Variants in OR7A10 observed in about 807,000 individuals in gnomAD.
The protein encoded by OR7A10 is olfactory receptor family 7 subfamily A member 10.
For synonymous variants in OR7A10, 144 were observed against 144.5 expected (o/e 1.00, Z 0.02); for missense variants, 358 against 370.1 (o/e 0.97, Z 0.27).
intron 1 of OR7A10, among the ~76,000 whole-genome samples, chr19:14,847,083 C>T (rs927802395): frequency 1.3e-5 from 2 of 152,180 alleles, no homozygotes; most frequent in African/African-American, 4.8e-5. Context: ...GAAAAAAGTA[C>T]ATATAAGAAC....
At chr19:14,843,058 C>G (rs374262792) in intron 1 of OR7A10, among the ~76,000 whole-genome samples, 9 of 152,110 alleles carry the variant, frequency 5.9e-5, no homozygotes, top group Non-Finnish European at 1.0e-4. Context: ...GACATACATG[C>G]GGCCAACAAG....
chr19:14,843,757 G>A (rs1794922555), intron 1 of OR7A10, among the ~76,000 whole-genome samples: 1 of 152,184 alleles, frequency 6.6e-6, no homozygotes, highest in African/African-American at 2.4e-5. Flanking sequence ...TGTCTAGACA[G>A]TGAGTAAGTG....
In OR7A10 at chr19:14,840,611, C is replaced by A; in HGVS notation, c.*337G>T. 5.2e-6 allele frequency: 1 copy of A among 192,270 alleles called. No individual in the cohort carries two copies. Among genetic ancestry groups the A allele is most frequent in the South Asian group, 1.2e-4 (1 of 8,254 alleles). The allele number at this position is 192,270 out of a possible 1,614,324, so 11.9% of individuals were successfully genotyped here. ...AGTGATGCAAGGACATTACATACACCATGGCACTCAATCCTTCACTCAGAT... is the reference window on the plus strand; with the variant it reads ...AGTGATGCAAGGACATTACATACACAATGGCACTCAATCCTTCACTCAGAT... On this transcript the variant is annotated 3_prime_UTR_variant, in exon 2 of 2. Coordinates refer to ENST00000641129, the MANE Select transcript of OR7A10 (RefSeq NM_001005190.2).
rs561178117 is a variant in OR7A10 at position 14,840,811 on chromosome 19, G to A, written c.*137C>T. On this transcript the variant is annotated 3_prime_UTR_variant, in exon 2 of 2. Transcript: ENST00000641129. Reference sequence around the variant, plus strand: ...AGTGTAAGCTCTATAAAGTAGTTGAGGAACAAAGAAGTTTAAACTCCAGGA... The same window carrying A: ...AGTGTAAGCTCTATAAAGTAGTTGAAGAACAAAGAAGTTTAAACTCCAGGA... The A allele has an allele frequency of 9.6e-6, 6 of 623,870 alleles. No homozygotes were observed. The South Asian group carries it at 1.1e-4, about 11-fold the overall frequency. The allele number at this position is 623,870 out of a possible 1,614,324, so 38.6% of individuals were successfully genotyped here.
In OR7A10 at chr19:14,847,765, C is replaced by T. The variant is rs181112102; in HGVS notation, c.-13+735G>A. Among the ~76,000 whole-genome samples the T allele has an allele frequency of 4.2e-3, 637 of 151,686 alleles. 3 individuals carry two copies. The highest frequency in any genetic ancestry group is 7.1e-3 in the Non-Finnish European group (481 of 67,826). ...TCCCGACCTTGTGATCCGCCTACCT[C>T]GGCCTCCCAAAGTGCTGGGACTACA... is the stretch of plus-strand genomic sequence containing the variant. On this transcript the variant is annotated intron_variant, in intron 1 of 1. Coordinates refer to ENST00000641129, the MANE Select transcript of OR7A10 (RefSeq NM_001005190.2).
At chr19:14,842,105 C>T (rs1029368607) in intron 1 of OR7A10, among the ~76,000 whole-genome samples, 1 of 152,122 alleles carries the variant, frequency 6.6e-6, no homozygotes, top group African/African-American at 2.4e-5. Flanking sequence ...TTCAGGGTTA[C>T]ATATGCAGGT....
In OR7A10 at chr19:14,846,709, C is replaced by CAAAAAAAAA. The variant is rs60087409; in HGVS notation, c.-13+1782_-13+1790dup. Among the ~76,000 whole-genome samples the CAAAAAAAAA allele has an allele frequency of 3.0e-4, 19 of 64,032 alleles. 3 individuals are homozygous for CAAAAAAAAA. Among genetic ancestry groups the CAAAAAAAAA allele is most frequent in the African/African-American group, 7.2e-4 (11 of 15,180 alleles). The allele number at this position is 64,032 out of a possible 152,430, so 42.0% of individuals were successfully genotyped here. On this transcript the variant is annotated intron_variant, in intron 1 of 1. Coordinates refer to ENST00000641129, the MANE Select transcript of OR7A10 (RefSeq NM_001005190.2). Reference sequence around the variant, plus strand: ...TGGGTGACAGAGCGAGACTCCATCTCAAAAAAAAAAAAAAAAGGAAAAGGA... The same window carrying CAAAAAAAAA: ...TGGGTGACAGAGCGAGACTCCATCTCAAAAAAAAAAAAAAAAAAAAAAAAAGGAAAAGGA...
Position 14,841,867 on chromosome 19 carries a change from C to CA in OR7A10, c.10dup (p.Trp4LeufsTer109). On this transcript the variant is annotated frameshift_variant, in exon 2 of 2. Coordinates refer to ENST00000641129, the MANE Select transcript of OR7A10 (RefSeq NM_001005190.2). LOFTEE classifies it low-confidence loss of function (END_TRUNC). ...AAATTCTAAAATTATTGTATTGTTCCATGATTTCATCTTGTGATGTGACTA... is the reference window on the plus strand; with the variant it reads ...AAATTCTAAAATTATTGTATTGTTCCAATGATTTCATCTTGTGATGTGACTA... 1 of 1,583,896 alleles carries CA rather than the reference C, an allele frequency of 6.3e-7. No homozygotes were observed. Among genetic ancestry groups the CA allele is most frequent in the Non-Finnish European group, 8.6e-7 (1 of 1,156,872 alleles).
rs762217122 is a variant in OR7A10 at position 14,841,381 on chromosome 19, A to G, written c.497T>C (p.Leu166Pro). 8 of 1,614,066 alleles carry G rather than the reference A, an allele frequency of 5.0e-6. No homozygotes were observed. Among genetic ancestry groups the G allele is most frequent in the Non-Finnish European group, 6.8e-6 (8 of 1,180,034 alleles). Residue 166 changes from leucine (L) to proline (P), a missense_variant, in exon 2 of 2, where the codon CTG (leucine) becomes CCG (proline). Transcript: ENST00000641129. Reference protein sequence around the residue: ...SMLQSLMVLPLPFCTHMEIPH... With the variant: ...SMLQSLMVLPPPFCTHMEIPH... ...GATTTCCATGTGTGTACAAAAGGGC[A>G]GTGGCAACACCATTAAGCTTTGTAA...
At chr19:14,841,921 A>C in intron 1 of OR7A10, 32 bp from the exon 2 acceptor site, 2 of 1,303,350 alleles carry the variant, frequency 1.5e-6, no homozygotes, top group Non-Finnish European at 2.1e-6. Flanking sequence ...AGAGAGAGAG[A>C]GTGAAAGAAC....
rs1555697160 is a variant in OR7A10 at position 14,844,664 on chromosome 19, G to GTTTTTTGTTTTTTT, written c.-12-2776_-12-2775insAAAAAAACAAAAAA. Among the ~76,000 whole-genome samples, 23 of 97,666 alleles carry GTTTTTTGTTTTTTT rather than the reference G, an allele frequency of 2.4e-4. 1 individual carries two copies. The highest frequency in any genetic ancestry group is 6.9e-4 in the Admixed American group (5 of 7,284). The allele number at this position is 97,666 out of a possible 152,430, so 64.1% of individuals were successfully genotyped here. A position where few individuals can be genotyped will look rare whatever the true frequency, so the allele number is the denominator to read the frequency against. On this transcript the variant is annotated intron_variant, in intron 1 of 1. Coordinates refer to ENST00000641129, the MANE Select transcript of OR7A10 (RefSeq NM_001005190.2). ...TTTTCACTGTTGCCTTGAGTTCTGT[G>GTTTTTTGTTTTTTT]TTTTTTTTTTTTTTTTGAGATGGAG...
Position 14,841,274 on chromosome 19 carries a change from C to A in OR7A10, c.604G>T (p.Ala202Ser). Residue 202 changes from alanine (A) to serine (S), a missense_variant, in exon 2 of 2, where the codon GCA becomes TCA. Physicochemically the swap from Ala to Ser is moderately conservative, Grantham distance 99. Coordinates refer to ENST00000641129, the MANE Select transcript of OR7A10 (RefSeq NM_001005190.2). ...TFLNDIVMYF[A>S]VALLGGGPLT... ...GGACCACCGCCCAGCAGCGCTACTGCAAAATACATCACTATGTCATTAAGA... is the reference window on the plus strand; with the variant it reads ...GGACCACCGCCCAGCAGCGCTACTGAAAAATACATCACTATGTCATTAAGA... 1 of 1,614,156 alleles carries A rather than the reference C, an allele frequency of 6.2e-7. No homozygotes were observed. The highest frequency in any genetic ancestry group is 1.3e-5 in the African/African-American group (1 of 75,036).
rs2044905481 is a variant in OR7A10 at position 14,840,717 on chromosome 19, A to G, written c.*231T>C. On this transcript the variant is annotated 3_prime_UTR_variant, in exon 2 of 2. Transcript: ENST00000641129. ...ACCCCAACGAAAACAAATATTCCATAGTTATTTCATGTATGATTGAAAATT... is the reference window on the plus strand; with the variant it reads ...ACCCCAACGAAAACAAATATTCCATGGTTATTTCATGTATGATTGAAAATT... 2.5e-6 allele frequency: 1 copy of G among 398,532 alleles called. No individual in the cohort carries two copies. The allele number at this position is 398,532 out of a possible 1,614,324, so 24.7% of individuals were successfully genotyped here. A position where few individuals can be genotyped will look rare whatever the true frequency, so the allele number is the denominator to read the frequency against.
At position 14,840,682 on chromosome 19, in the gene OR7A10, G is replaced by C. The variant is rs2044905242; in HGVS notation, c.*266C>G. The C allele has an allele frequency of 7.1e-6, 2 of 283,324 alleles. No individual in the cohort carries two copies. Among genetic ancestry groups the C allele is most frequent in the South Asian group, 1.3e-4 (2 of 15,150 alleles). 17.6% of individuals were successfully genotyped at this position (283,324 alleles called of 1,614,324 possible). A position where few individuals can be genotyped will look rare whatever the true frequency, so the allele number is the denominator to read the frequency against. On this transcript the variant is annotated 3_prime_UTR_variant, in exon 2 of 2. Coordinates refer to ENST00000641129, the MANE Select transcript of OR7A10 (RefSeq NM_001005190.2). Reference sequence around the variant, plus strand: ...GGACACCAGGCTCCTCTACTTCAATGAGTAGATGTACCCCAACGAAAACAA... The same window carrying C: ...GGACACCAGGCTCCTCTACTTCAATCAGTAGATGTACCCCAACGAAAACAA...
At chr19:14,843,910 C>A (rs137981859) in intron 1 of OR7A10, among the ~76,000 whole-genome samples, 2 of 152,034 alleles carry the variant, frequency 1.3e-5, no homozygotes, top group South Asian at 2.1e-4. Flanking sequence ...TGGGGACTGT[C>A]GGGGGTACGG....
At chr19:14,842,388 T>G (rs2044920084) in intron 1 of OR7A10, among the ~76,000 whole-genome samples, 1 of 152,156 alleles carries the variant, frequency 6.6e-6, no homozygotes, top group South Asian at 2.1e-4. Flanking sequence ...GTAGCTGGGA[T>G]TACAGGTAGG....
chr19:14,841,534 A>C lies in OR7A10; in HGVS notation c.344T>G (p.Leu115Arg). 6.2e-7 allele frequency: 1 copy of C among 1,614,262 alleles called. No individual in the cohort carries two copies. The highest frequency in any genetic ancestry group is 8.5e-7 in the Non-Finnish European group (1 of 1,180,048). ...LLFVGLDNFL[L>R]TVMAYDRFVA... ...AAACCGGTCATAGGCCATCACGGTC[A>C]GAAGGAAGTTATCCAATCCTACAAA... is the stretch of plus-strand genomic sequence containing the variant. Residue 115 changes from leucine (L) to arginine (R), a missense_variant, in exon 2 of 2, where the codon CTG (leucine) becomes CGG (arginine). Leu to Arg is a moderately radical substitution (Grantham distance 102). Transcript: ENST00000641129.
At chr19:14,844,565 G>A (rs143429850) in intron 1 of OR7A10, among the ~76,000 whole-genome samples, 90 of 152,062 alleles carry the variant, frequency 5.9e-4, no homozygotes, top group African/African-American at 2.1e-3. Flanking sequence ...CCTCGGTCCT[G>A]ATGTTGTTGC....
In OR7A10 at chr19:14,841,181, C is replaced by T. The variant is rs772995393; in HGVS notation, c.697G>A (p.Gly233Arg). 2.5e-6 allele frequency: 4 copies of T among 1,614,074 alleles called. No individual in the cohort carries two copies. The South Asian group carries it at 4.4e-5, about 18-fold the overall frequency. ...SSIRAISSAQ[G>R]KYKAFSTCAS... ...CAGGTGGAAAATGCCTTATACTTCCCCTGAGCTGATGAGATTGCACGTATG... is the reference window on the plus strand; with the variant it reads ...CAGGTGGAAAATGCCTTATACTTCCTCTGAGCTGATGAGATTGCACGTATG... The change falls in exon 2 of 2, where the codon GGG (glycine) becomes AGG (arginine). Residue 233 changes from glycine to arginine, a missense_variant. Physicochemically the swap from Gly to Arg is moderately radical, Grantham distance 125. Coordinates refer to ENST00000641129, the MANE Select transcript of OR7A10 (RefSeq NM_001005190.2).
Sources: gnomAD v4.1 joint callset for allele counts (sites outside exome capture counted in the v4.1 genomes callset) on GRCh38, gnomAD v4.1.1 for gene constraint, MANE v1.5 for transcripts, NCBI Gene and HGNC (gene_info 2026-07-23, HGNC 2026-07-21) for gene names.